KLF12: variants seen among roughly 807,000 people sequenced by gnomAD.
The protein encoded by KLF12 is Krueppel-like factor 12.
Under a neutral mutation model 37.8 loss-of-function variants are expected in KLF12, and 9 were observed. That is an observed-to-expected ratio of 0.24 (90% CI 0.14 to 0.42). The LOEUF (loss-of-function observed/expected upper bound fraction) is 0.42. Ranked by LOEUF, KLF12 falls within the 10% of genes least tolerant of loss-of-function variation. KLF12 has a pLI of 1.00. For synonymous variants in KLF12, 208 were observed against 202.1 expected (o/e 1.03, Z -0.25); for missense variants, 411 against 516.0 (o/e 0.80, Z 1.97).
chr13:74,104,755 C>G (rs1876558515), intron 1 of KLF12, among the ~76,000 whole-genome samples: 1 of 152,048 alleles, frequency 6.6e-6, no homozygotes, highest in Non-Finnish European at 1.5e-5. Context: ...TTTTAAGAAG[C>G]AACAGAACAG....
chr13:73,865,459 C>T (rs1321333506), intron 3 of KLF12, among the ~76,000 whole-genome samples: 8 of 152,056 alleles, frequency 5.3e-5, no homozygotes, highest in Admixed American at 5.2e-4. Context: ...CACTGGAGAG[C>T]AACTAAAACA....
At chr13:73,907,404 T>C (rs76651225) in intron 3 of KLF12, among the ~76,000 whole-genome samples, 1 of 152,174 alleles carries the variant, frequency 6.6e-6, no homozygotes. Context: ...CTATCCTCTT[T>C]GCTCTACTGA....
chr13:74,050,755 G>A (rs1374857703), intron 1 of KLF12, among the ~76,000 whole-genome samples: 1 of 152,070 alleles, frequency 6.6e-6, no homozygotes, highest in Admixed American at 6.5e-5. Context: ...ACACCACAAA[G>A]GAAACTGTCA....
At chr13:74,004,426 C>T (rs543827934) in intron 1 of KLF12, among the ~76,000 whole-genome samples, 77 of 152,300 alleles carry the variant, frequency 5.1e-4, no homozygotes, top group Non-Finnish European at 8.8e-4. Flanking sequence ...AGAGAAGTAA[C>T]TTGCCTAACA....
At chr13:73,993,896 A>G (rs1892035637) in intron 2 of KLF12, among the ~76,000 whole-genome samples, 1 of 152,128 alleles carries the variant, frequency 6.6e-6, no homozygotes, top group Admixed American at 6.5e-5. Context: ...CTTTACTAAC[A>G]CACCACTGAT....
chr13:73,716,036 A>G (rs1201675652), intron 6 of KLF12, among the ~76,000 whole-genome samples: 2 of 152,242 alleles, frequency 1.3e-5, no homozygotes, highest in Non-Finnish European at 2.9e-5. Context: ...AAGAAATGAC[A>G]TCAGTAACAT....
chr13:74,286,579 T>G, the KLF12 span, among the ~76,000 whole-genome samples: 2 of 152,190 alleles, frequency 1.3e-5, no homozygotes, highest in African/African-American at 2.4e-5. Context: ...AAAGTAGGGA[T>G]AGCCTTCATA....
At chr13:73,970,291 C>T (rs546537437) in intron 2 of KLF12, among the ~76,000 whole-genome samples, 3 of 151,862 alleles carry the variant, frequency 2.0e-5, no homozygotes, top group South Asian at 4.2e-4. Flanking sequence ...TTATTATTAA[C>T]CTAATGACAA....
chr13:74,211,423 T>C, the KLF12 span, among the ~76,000 whole-genome samples: 12 of 152,214 alleles, frequency 7.9e-5, no homozygotes, highest in African/African-American at 2.9e-4. Flanking sequence ...TATGGTTGGA[T>C]AGGATGTTGA....
intron 4 of KLF12, among the ~76,000 whole-genome samples, chr13:73,825,537 T>C (rs1883789371): frequency 6.6e-6 from 1 of 152,198 alleles, no homozygotes; most frequent in South Asian, 2.1e-4. Flanking sequence ...CATTTTGGTT[T>C]TGTGAAAAGA....
At chr13:74,245,282 G>A in the KLF12 span, among the ~76,000 whole-genome samples, 1 of 149,838 alleles carries the variant, frequency 6.7e-6, no homozygotes, top group Admixed American at 6.7e-5. Context: ...TTTGAAGAAT[G>A]GGAGATAAGT....
intron 1 of KLF12, among the ~76,000 whole-genome samples, chr13:74,020,464 C>G (rs1329779759): frequency 7.2e-5 from 11 of 152,150 alleles, no homozygotes; most frequent in Admixed American, 7.2e-4. Context: ...AGAATGCACT[C>G]TAATTTTTAA....
At chr13:74,214,788 A>G in the KLF12 span, among the ~76,000 whole-genome samples, 4 of 152,166 alleles carry the variant, frequency 2.6e-5, no homozygotes, top group South Asian at 8.3e-4. Context: ...AATTTGAGGA[A>G]AATTCCTTTA....
chr13:73,861,106 CA>C (rs1885903198), intron 3 of KLF12, among the ~76,000 whole-genome samples: 2 of 152,116 alleles, frequency 1.3e-5, no homozygotes, highest in Admixed American at 1.3e-4. Context: ...TTTCTGGTTC[CA>C]AAACTTAGTC....
chr13:74,300,418 G>T, the KLF12 span, among the ~76,000 whole-genome samples: 1 of 152,104 alleles, frequency 6.6e-6, no homozygotes. Flanking sequence ...AGGTTTGAAG[G>T]TCAAAGAGAT....
chr13:73,910,824 GATTA>G (rs1888531573), intron 3 of KLF12, among the ~76,000 whole-genome samples: 2 of 152,150 alleles, frequency 1.3e-5, no homozygotes, highest in African/African-American at 4.8e-5. Context: ...TCCATTCATA[GATTA>G]ATTGAATAAT....
the KLF12 span, among the ~76,000 whole-genome samples, chr13:74,165,850 C>G: frequency 6.6e-6 from 1 of 152,134 alleles, no homozygotes; most frequent in African/African-American, 2.4e-5. Context: ...TATCTCATTC[C>G]TTGGGGCTAT....
chr13:74,201,799 C>A, the KLF12 span, among the ~76,000 whole-genome samples: 2 of 152,154 alleles, frequency 1.3e-5, no homozygotes, highest in Admixed American at 6.6e-5. Flanking sequence ...AGAAACCTGG[C>A]AAGTCAGACA....
intron 6 of KLF12, among the ~76,000 whole-genome samples, chr13:73,750,832 G>A (rs2137967476): frequency 6.6e-6 from 1 of 152,264 alleles, no homozygotes; most frequent in African/African-American, 2.4e-5. Context: ...TGGTGATCAA[G>A]CTGTTTTGGG....
Sources: allele counts gnomAD v4.1 joint callset (sites outside exome capture counted in the v4.1 genomes callset), GRCh38; gene constraint gnomAD v4.1.1; transcripts MANE v1.5; gene names NCBI Gene and HGNC (gene_info 2026-07-23, HGNC 2026-07-21).